Variants in PDGFRA observed in about 807,000 individuals in gnomAD.
PDGFRA encodes the protein platelet derived growth factor receptor alpha, also known as platelet-derived growth factor receptor alpha.
In PDGFRA, 25 loss-of-function variants were observed where a neutral mutation model predicts 121.5. The ratio of observed to expected loss-of-function variants is 0.21; its 90% CI spans 0.15 to 0.29. The LOEUF (loss-of-function observed/expected upper bound fraction) is 0.29, where lower values mean the gene tolerates loss of function less well. PDGFRA is among the 10% of genes least tolerant of loss of function. The probability of loss-of-function intolerance (pLI) is 1.00; values close to 1 mark genes in which losing one functional copy is unlikely to be tolerated. For synonymous variants in PDGFRA, 463 were observed against 494.8 expected, an observed-to-expected ratio of 0.94 and a Z score of 0.85; for missense variants, 1,008 against 1,345.1, an observed-to-expected ratio of 0.75 and a Z score of 3.92.
At chr4:54,241,660 CTG>C (rs1721307689) in intron 1 of PDGFRA, among the ~76,000 whole-genome samples, 1 of 151,940 alleles carries the variant, frequency 6.6e-6, no homozygotes, top group Non-Finnish European at 1.5e-5. Flanking sequence ...GGCATTTCTC[CTG>C]TCTCAGCCTC....
Position 54,277,455 on chromosome 4 carries a change from CCA to C in PDGFRA, c.1855_1856del (p.Gln619ThrfsTer18). The C allele has an allele frequency of 6.2e-7, 1 of 1,613,990 alleles. No homozygotes were observed. ...GAACAGCCTATGGATTAAGCCGGTC[CCA>C]ACCTGTCATGAAAGTTGCAGTGAAG... ...EGTAYGLSRSQPVMKVAVKML... is the reference protein window; with the variant it reads ...EGTAYGLSRSXPVMKVAVKML... On this transcript the variant is annotated frameshift_variant, in exon 13 of 23. Transcript: ENST00000257290. LOFTEE classifies it high-confidence loss of function.
intron 5 of PDGFRA, among the ~76,000 whole-genome samples, chr4:54,266,470 C>T (rs1408189678): frequency 1.4e-5 from 2 of 147,376 alleles, no homozygotes; most frequent in Admixed American, 7.0e-5. Context: ...TGGTCTCAAA[C>T]TCCTGGGCTT....
At chr4:54,231,917 G>A (rs958544079) in intron 1 of PDGFRA, among the ~76,000 whole-genome samples, 2 of 152,254 alleles carry the variant, frequency 1.3e-5, no homozygotes, top group South Asian at 2.1e-4. Context: ...CAGGGGGAGG[G>A]GCATTGGGCC....
At chr4:54,268,546 C>T (rs1247908419) in intron 7 of PDGFRA, among the ~76,000 whole-genome samples, 1 of 152,174 alleles carries the variant, frequency 6.6e-6, no homozygotes, top group Non-Finnish European at 1.5e-5. Context: ...GTATTTCAAG[C>T]CTTCAGGAGG....
Position 54,275,126 on chromosome 4 carries a change from G to A in PDGFRA, c.1786+153G>A, listed in dbSNP as rs2307050. Among the ~76,000 whole-genome samples, 23,423 of 152,154 alleles carry A rather than the reference G, an allele frequency of 0.15. 2,157 individuals carry two copies. Among genetic ancestry groups the A allele is most frequent in the African/African-American group, 0.23 (9,570 of 41,480 alleles). On this transcript the variant is annotated intron_variant, in intron 12 of 22. Transcript: ENST00000257290. The stretch of plus-strand genomic sequence containing the variant: ...TCAGAAATACATTTCTGTCTTGACA[G>A]TAAGTTAATTGGATCATTGCAATGA...
chr4:54,235,268 T>G (rs368703387), intron 1 of PDGFRA, among the ~76,000 whole-genome samples: 1 of 152,122 alleles, frequency 6.6e-6, no homozygotes, highest in Non-Finnish European at 1.5e-5. Flanking sequence ...TTTAATCATG[T>G]GAGGGTGGGG....
Position 54,295,467 on chromosome 4 carries a change from C to T in PDGFRA, c.*195C>T. 1.7e-6 allele frequency: 1 copy of T among 592,684 alleles called. No individual in the cohort carries two copies. Among genetic ancestry groups the T allele is most frequent in the African/African-American group, 1.8e-5 (1 of 54,058 alleles). The allele number at this position is 592,684 out of a possible 1,614,324, so 36.7% of individuals were successfully genotyped here. A position where few individuals can be genotyped will look rare whatever the true frequency, so the allele number is the denominator to read the frequency against. Reference sequence around the variant, plus strand: ...TTGAAATGAACTTTGTCAGTGTTGCCTCTTGCAATGCCTCAGTAGCATCTC... The same window carrying T: ...TTGAAATGAACTTTGTCAGTGTTGCTTCTTGCAATGCCTCAGTAGCATCTC... On this transcript the variant is annotated 3_prime_UTR_variant, in exon 23 of 23. Coordinates refer to ENST00000257290, the MANE Select transcript of PDGFRA (RefSeq NM_006206.6).
intron 4 of PDGFRA, 85 bp from the exon 5 acceptor site, chr4:54,264,834 T>TAAAAA: frequency 4.8e-6 from 5 of 1,032,678 alleles, no homozygotes; most frequent in Non-Finnish European, 7.0e-6. Flanking sequence ...AGGGTTTTCT[T>TAAAAA]AAAAAAAAAA....
intron 21 of PDGFRA, among the ~76,000 whole-genome samples, chr4:54,289,320 A>C (rs375734900): frequency 7.9e-5 from 12 of 152,264 alleles, no homozygotes; most frequent in Admixed American, 3.3e-4. Context: ...CTTTCCTTTC[A>C]TCTTATATGT....
At chr4:54,271,914 C>T in intron 8 of PDGFRA, among the ~76,000 whole-genome samples, 1 of 108,836 alleles carries the variant, frequency 9.2e-6, no homozygotes, top group African/African-American at 3.4e-5. Context: ...CCTCTTCCCT[C>T]ACTCTCTCTT....
At chr4:54,271,672 C>T (rs1003428644) in intron 8 of PDGFRA, among the ~76,000 whole-genome samples, 1 of 144,778 alleles carries the variant, frequency 6.9e-6, no homozygotes, top group Non-Finnish European at 1.5e-5. Flanking sequence ...TCCTTGCTTC[C>T]TTCTTCCCTC....
intron 16 of PDGFRA, among the ~76,000 whole-genome samples, chr4:54,284,888 T>C (rs1325260693): frequency 1.5e-5 from 2 of 135,554 alleles, no homozygotes; most frequent in South Asian, 2.6e-4. Flanking sequence ...TCTTTTTTTT[T>C]TTTTTTTTTT....
chr4:54,296,805 A>G lies in PDGFRA; in HGVS notation c.*1533A>G. 1 of 233,048 alleles carries G rather than the reference A, an allele frequency of 4.3e-6. No homozygotes were observed. The allele number at this position is 233,048 out of a possible 1,614,324, so 14.4% of individuals were successfully genotyped here. ...TGGCATTCAACCACGCAGGAAGCCT[A>G]CTATTTAAATCCTTGGCTTCAGGTT... is the stretch of plus-strand genomic sequence containing the variant. On this transcript the variant is annotated 3_prime_UTR_variant, in exon 23 of 23. Coordinates refer to ENST00000257290, the MANE Select transcript of PDGFRA (RefSeq NM_006206.6).
At chr4:54,246,518 C>T (rs189627588) in intron 1 of PDGFRA, among the ~76,000 whole-genome samples, 6,928 of 151,942 alleles carry the variant, frequency 0.046, 522 homozygotes, top group African/African-American at 0.16. Context: ...TTTGAACCGA[C>T]GAGAACAAAG....
At chr4:54,246,920 A>G (rs1325597509) in intron 1 of PDGFRA, among the ~76,000 whole-genome samples, 2 of 152,166 alleles carry the variant, frequency 1.3e-5, no homozygotes, top group African/African-American at 2.4e-5. Flanking sequence ...GCAAACTACC[A>G]TCAGAGAATA....
At chr4:54,243,871 G>A (rs555256374) in intron 1 of PDGFRA, among the ~76,000 whole-genome samples, 130 of 152,318 alleles carry the variant, frequency 8.5e-4, no homozygotes, top group Non-Finnish European at 1.7e-3. Flanking sequence ...CCAATACTGC[G>A]CTTTTCCGAC....
chr4:54,287,356 C>T (rs933230500), intron 18 of PDGFRA, 74 bp from the exon 19 acceptor site: 1 of 782,296 alleles, frequency 1.3e-6, no homozygotes, highest in Non-Finnish European at 2.4e-6. Context: ...CCAAGGGGAA[C>T]CCTTTTCTAT....
rs1722520036 is a variant in PDGFRA, at chr4:54,258,808, C to T, written c.40C>T (p.Leu14Phe). 6.2e-7 allele frequency: 1 copy of T among 1,613,696 alleles called. No homozygotes were observed. The highest frequency in any genetic ancestry group is 8.5e-7 in the Non-Finnish European group (1 of 1,179,606). The change falls in exon 2 of 23, where the codon CTT becomes TTT. Residue 14 changes from leucine (L) to phenylalanine (F), a missense_variant. Physicochemically the swap from Leu to Phe is conservative, Grantham distance 22. This residue lies in a region of PDGFRA where 575 missense variants were observed against 701.8 expected (regional missense o/e 0.82). Transcript: ENST00000257290. Reference protein sequence around the residue: ...SHPAFLVLGCLLTGLSLILCQ... With the variant: ...SHPAFLVLGCFLTGLSLILCQ... Reference sequence around the variant, plus strand: ...TCCGGCGTTCCTGGTCTTAGGCTGTCTTCTCACAGGTACGGAGCCCAGTCC... The same window carrying T: ...TCCGGCGTTCCTGGTCTTAGGCTGTTTTCTCACAGGTACGGAGCCCAGTCC...
intron 15 of PDGFRA, chr4:54,278,775 C>T: frequency 1.6e-6 from 1 of 622,560 alleles, no homozygotes; most frequent in Non-Finnish European, 3.0e-6. Flanking sequence ...TCTGGGAGCT[C>T]TTCTGCTATT....
Sources: gnomAD v4.1 joint callset for allele counts (sites outside exome capture counted in the v4.1 genomes callset) on GRCh38, gnomAD v4.1.1 for gene constraint, gnomAD v4.1.1 regional missense constraint, MANE v1.5 for transcripts, NCBI Gene and HGNC (gene_info 2026-07-23, HGNC 2026-07-21) for gene names.